The following LRRC9 variants were observed in gnomAD, a reference collection of about 807,000 sequenced individuals.
LRRC9 encodes leucine-rich repeat-containing protein 9.
Under a neutral mutation model 63.2 loss-of-function variants are expected in LRRC9, and 122 were observed. The ratio of observed to expected loss-of-function variants is 1.93; its 90% CI spans 1.67 to 2.24. The LOEUF is 2.24. Ranked by LOEUF, LRRC9 falls within the 30% of genes most tolerant of loss-of-function variation. LRRC9 has a pLI of 0.00. For missense variants in LRRC9, 1,071 were observed against 627.7 expected, an observed-to-expected ratio of 1.71 and a Z score of -7.55; for synonymous variants, 366 against 213.1, an observed-to-expected ratio of 1.72 and a Z score of -6.25.
rs1888932691 is a variant in LRRC9 at position 59,923,254 on chromosome 14, TTTAAA to T, written c.-34+3379_-34+3383del. Among the ~76,000 whole-genome samples, 3 of 152,244 alleles carry T rather than the reference TTTAAA, an allele frequency of 2.0e-5. No homozygotes were observed. The highest frequency in any genetic ancestry group is 7.2e-5 in the African/African-American group (3 of 41,470). ...TATACAACTTATAGAATTTGGGGTT[TTTAAA>T]TTAAATTGTATTTTTCTAATTAGCT... On this transcript the variant is annotated intron_variant, in intron 1 of 31. Coordinates refer to ENST00000445360, the Ensembl canonical transcript of LRRC9. This position sits in a 1 kb window ranked among gnomAD's most constrained non-coding sequence, Gnocchi z 4.2.
chr14:59,965,485 A>G (rs962357072), intron 10 of LRRC9, among the ~76,000 whole-genome samples: 8 of 152,168 alleles, frequency 5.3e-5, no homozygotes, highest in African/African-American at 1.9e-4. Flanking sequence ...CAGTAGTCCA[A>G]TGAGAGATCG....
chr14:59,995,896 C>T (rs957241407), intron 17 of LRRC9, among the ~76,000 whole-genome samples: 3 of 152,118 alleles, frequency 2.0e-5, no homozygotes, highest in African/African-American at 7.2e-5. Flanking sequence ...GTATGCGCCA[C>T]GATGCCCAGC....
intron 17 of LRRC9, among the ~76,000 whole-genome samples, chr14:59,991,491 C>T (rs1212142951): frequency 2.0e-5 from 3 of 152,116 alleles, no homozygotes; most frequent in Admixed American, 2.0e-4. Context: ...GTGCAGCACA[C>T]CGAGCGTGAG....
chr14:60,036,728 CTT>C (rs34137343), intron 29 of LRRC9, among the ~76,000 whole-genome samples: 2,378 of 148,028 alleles, frequency 0.016, 60 homozygotes, highest in African/African-American at 0.054. Context: ...CTCTTTGCCT[CTT>C]TTTTTTTTTG....
exon 14 of LRRC9, chr14:59,977,327 T>G (rs1164532099): frequency 2.9e-6 from 2 of 696,156 alleles, no homozygotes; most frequent in East Asian, 5.4e-5. Context: ...TCAGTGTTCA[T>G]TCCTCGGAAA....
At chr14:60,038,973 T>G (rs1368116629) in intron 29 of LRRC9, among the ~76,000 whole-genome samples, 1 of 152,170 alleles carries the variant, frequency 6.6e-6, no homozygotes, top group Admixed American at 6.5e-5. Context: ...GTTTTTAGCA[T>G]GAAGGGCTGA....
chr14:60,042,341 C>T lies in LRRC9; in HGVS notation c.3990+10278C>T, dbSNP rs1893024246. 6.6e-6 allele frequency among the ~76,000 whole-genome samples: 1 copy of T among 152,206 alleles called. No individual in the cohort carries two copies. The highest frequency in any genetic ancestry group is 2.4e-5 in the African/African-American group (1 of 41,454). On this transcript the variant is annotated intron_variant, in intron 29 of 31. Transcript: ENST00000445360. This position sits in a 1 kb window ranked among gnomAD's most constrained non-coding sequence, Gnocchi z 4.2. ...GCCTGTTGTTCAGCTATGCCCTGCC[C>T]CCAGAGGTGGAGTCTACAGAGGCAG...
chr14:59,978,128 C>T, exon 15 of LRRC9: 1 of 701,640 alleles, frequency 1.4e-6, no homozygotes, highest in Non-Finnish European at 2.6e-6. Context: ...GAGTATATTA[C>T]AATGGTATGA....
chr14:59,933,721 A>T (rs1303162880), intron 6 of LRRC9, among the ~76,000 whole-genome samples: 3 of 152,160 alleles, frequency 2.0e-5, no homozygotes, highest in Non-Finnish European at 2.9e-5. Flanking sequence ...AAGAACTTTG[A>T]AGTGTCAACA....
At position 60,003,695 on chromosome 14, in the gene LRRC9, G is replaced by GATAATT; in HGVS notation, c.2739_2740insATAATT (p.Trp913_Ala914insIleIle). ...TAGAAAAATTGGAAAATTTGAAATG[G>GATAATT]GCATCATTCAGCAATAATAATCTCA... On this transcript the variant is annotated inframe_insertion, in exon 21 of 32. Transcript: ENST00000445360. The surrounding 1 kb of genome is among the most constrained non-coding windows in gnomAD (Gnocchi z 4.2). The GATAATT allele has an allele frequency of 1.4e-6, 1 of 695,480 alleles. No individual in the cohort carries two copies. The highest frequency in any genetic ancestry group is 2.1e-5 in the Admixed American group (1 of 48,718). 43.1% of individuals were successfully genotyped at this position (695,480 alleles called of 1,614,324 possible).
chr14:60,025,082 TTTTTA>T (rs1273045285), intron 27 of LRRC9, among the ~76,000 whole-genome samples: 4 of 151,378 alleles, frequency 2.6e-5, no homozygotes, highest in Non-Finnish European at 4.4e-5. Flanking sequence ...TTTTTTTTAT[TTTTTA>T]TTTTATTATT....
At chr14:59,972,043 C>A (rs1265375202) in intron 12 of LRRC9, among the ~76,000 whole-genome samples, 1 of 152,112 alleles carries the variant, frequency 6.6e-6, no homozygotes, top group Non-Finnish European at 1.5e-5. Context: ...CCTCTGACAA[C>A]CCTCACAATC....
intron 29 of LRRC9, among the ~76,000 whole-genome samples, chr14:60,048,657 C>T (rs950363815): frequency 6.6e-6 from 1 of 151,978 alleles, no homozygotes; most frequent in Non-Finnish European, 1.5e-5. Flanking sequence ...AATAGCCTAA[C>T]AACCAAAAAA....
chr14:59,920,740 C>T (rs368894587), intron 1 of LRRC9, among the ~76,000 whole-genome samples: 1 of 152,176 alleles, frequency 6.6e-6, no homozygotes, highest in East Asian at 1.9e-4. Context: ...ACATCCTAAC[C>T]AACTCTCACG....
intron 8 of LRRC9, among the ~76,000 whole-genome samples, 191 bp from the exon 9 acceptor site, chr14:59,959,627 C>T (rs2139963384): frequency 6.6e-6 from 1 of 152,334 alleles, no homozygotes. Context: ...ACTGAATTTG[C>T]ACCCAACTTG....
intron 30 of LRRC9, among the ~76,000 whole-genome samples, chr14:60,056,249 A>G (rs1894276641): frequency 6.6e-6 from 1 of 152,212 alleles, no homozygotes; most frequent in African/African-American, 2.4e-5. Flanking sequence ...GCCATACCAC[A>G]TATGTGAGAG....
Position 59,934,122 on chromosome 14 carries a change from T to C in LRRC9, c.543+2083T>C, listed in dbSNP as rs61992211. ...AAATGAGAAATTATGAGACTATGAA[T>C]TGGAGTGTTAACAGAAAAAAAAAGA... On this transcript the variant is annotated intron_variant, in intron 6 of 31. Coordinates refer to ENST00000445360, the Ensembl canonical transcript of LRRC9. 1.5e-3 allele frequency among the ~76,000 whole-genome samples: 225 copies of C among 151,010 alleles called. 1 individual carries two copies. Among genetic ancestry groups the C allele is most frequent in the Admixed American group, 2.4e-3 (36 of 15,158 alleles).
chr14:59,953,551 T>C (rs923501513), intron 8 of LRRC9, among the ~76,000 whole-genome samples: 1 of 152,242 alleles, frequency 6.6e-6, no homozygotes, highest in Non-Finnish European at 1.5e-5. Context: ...TTTAAGATTC[T>C]AGGTATTAGA....
chr14:60,028,881 C>G (rs1891764347), intron 28 of LRRC9, among the ~76,000 whole-genome samples: 1 of 152,066 alleles, frequency 6.6e-6, no homozygotes, highest in South Asian at 2.1e-4. Flanking sequence ...AATAGGTACT[C>G]CATAAATGTT....
Sources: gnomAD v4.1 joint callset for allele counts (sites outside exome capture counted in the v4.1 genomes callset) on GRCh38, gnomAD v4.1.1 for gene constraint, Gnocchi (gnomAD v3.1) non-coding constraint, MANE v1.5 for transcripts, NCBI Gene and HGNC (gene_info 2026-07-23, HGNC 2026-07-21) for gene names.